The following AOPEP variants were observed in gnomAD, a reference collection of about 807,000 sequenced individuals.
The protein encoded by AOPEP is aminopeptidase O (putative).
In AOPEP, 77 loss-of-function variants were observed where a neutral mutation model predicts 98.1. The observed-to-expected ratio is 0.78, with a 90% CI of 0.65 to 0.95. AOPEP has a LOEUF of 0.95. Among genes scored for constraint, AOPEP ranks in the 40% least tolerant of loss-of-function variants. The pLI is 0.00. For missense variants in AOPEP, 1,024 were observed against 1,024.7 expected (o/e 1.00, Z 0.01); for synonymous variants, 346 against 365.3 (o/e 0.95, Z 0.60).
At chr9:95,059,206 G>T (rs1007588708) in intron 13 of AOPEP, among the ~76,000 whole-genome samples, 7 of 152,206 alleles carry the variant, frequency 4.6e-5, no homozygotes, top group Admixed American at 1.3e-4. Flanking sequence ...GTAATTCTTT[G>T]GGTCCTTGTC....
chr9:94,820,382 AT>A (rs1398499399), intron 5 of AOPEP, among the ~76,000 whole-genome samples: 2 of 152,272 alleles, frequency 1.3e-5, no homozygotes, highest in East Asian at 3.9e-4. Flanking sequence ...GATACATATT[AT>A]TACTCTCTCT....
At chr9:95,081,585 A>G (rs969464202) in intron 15 of AOPEP, among the ~76,000 whole-genome samples, 5 of 152,212 alleles carry the variant, frequency 3.3e-5, no homozygotes, top group African/African-American at 4.8e-5. Flanking sequence ...CCTACAAAGA[A>G]AAGTACATGC....
At chr9:95,115,353 C>T in the AOPEP span, among the ~76,000 whole-genome samples, 1 of 152,192 alleles carries the variant, frequency 6.6e-6, no homozygotes, top group Non-Finnish European at 1.5e-5. Context: ...TCTTTTCTAC[C>T]TACACACTCC....
chr9:95,035,195 C>T (rs950838424), intron 13 of AOPEP, among the ~76,000 whole-genome samples: 10 of 151,912 alleles, frequency 6.6e-5, no homozygotes, highest in Admixed American at 4.6e-4. Flanking sequence ...GTTCAATTCC[C>T]ACCTGTGAGT....
At chr9:95,025,064 G>T (rs1300530711) in intron 13 of AOPEP, among the ~76,000 whole-genome samples, 2 of 152,004 alleles carry the variant, frequency 1.3e-5, no homozygotes, top group African/African-American at 4.8e-5. Context: ...ATTATATTTG[G>T]GATCTCAATC....
At chr9:95,140,386 C>T in the AOPEP span, among the ~76,000 whole-genome samples, 2 of 152,140 alleles carry the variant, frequency 1.3e-5, no homozygotes, top group Non-Finnish European at 2.9e-5. Flanking sequence ...GTTGTGTTTT[C>T]TCATCCTTTA....
chr9:94,800,716 A>G, intron 4 of AOPEP, 41 bp from the exon 5 acceptor site: 1 of 1,608,356 alleles, frequency 6.2e-7, no homozygotes, highest in Non-Finnish European at 8.5e-7. Context: ...CACAGCAAGA[A>G]TAATAAACAT....
At chr9:94,886,445 G>A (rs1411290647) in intron 5 of AOPEP, among the ~76,000 whole-genome samples, 1 of 152,148 alleles carries the variant, frequency 6.6e-6, no homozygotes, top group Non-Finnish European at 1.5e-5. Context: ...CAATGTTCTT[G>A]AAGAAGATTG....
intron 13 of AOPEP, among the ~76,000 whole-genome samples, chr9:95,008,689 C>T (rs927139971): frequency 1.3e-5 from 2 of 152,106 alleles, no homozygotes; most frequent in African/African-American, 2.4e-5. Flanking sequence ...AGTGCTCTGC[C>T]GGCCTTTCCC....
the AOPEP span, among the ~76,000 whole-genome samples, chr9:95,103,120 C>A: frequency 6.6e-6 from 1 of 152,046 alleles, no homozygotes; most frequent in Non-Finnish European, 1.5e-5. Flanking sequence ...AGTTAATATA[C>A]CACCCAGACC....
At chr9:94,785,463 C>T (rs1005835888) in intron 3 of AOPEP, among the ~76,000 whole-genome samples, 3 of 152,056 alleles carry the variant, frequency 2.0e-5, no homozygotes, top group African/African-American at 7.2e-5. Context: ...AAATACAGTC[C>T]AATAGGAGAA....
chr9:94,790,076 C>T (rs1173655294), intron 3 of AOPEP, among the ~76,000 whole-genome samples: 1 of 151,170 alleles, frequency 6.6e-6, no homozygotes, highest in Non-Finnish European at 1.5e-5. Flanking sequence ...GGGGTTTCAC[C>T]GTGTTAGCCA....
At chr9:95,149,633 C>G in the AOPEP span, among the ~76,000 whole-genome samples, 2 of 152,044 alleles carry the variant, frequency 1.3e-5, no homozygotes, top group Admixed American at 6.6e-5. Context: ...CACACACCAC[C>G]ATGCTTGACT....
the AOPEP span, chr9:95,101,606 G>T: frequency 7.0e-7 from 1 of 1,419,612 alleles, no homozygotes; most frequent in Admixed American, 1.8e-5. Flanking sequence ...GCCCAGCGAG[G>T]GCACTTACTC....
the AOPEP span, among the ~76,000 whole-genome samples, chr9:95,124,503 T>C: frequency 2.0e-5 from 3 of 152,110 alleles, no homozygotes; most frequent in African/African-American, 7.2e-5. Context: ...GGCCTGGCCT[T>C]TGGTTTACTG....
At chr9:94,761,697 A>G (rs1838338045) in intron 2 of AOPEP, among the ~76,000 whole-genome samples, 1 of 152,190 alleles carries the variant, frequency 6.6e-6, no homozygotes, top group Admixed American at 6.5e-5. Context: ...CCCTGCTCAG[A>G]ATGAGTTCAC....
intron 14 of AOPEP, among the ~76,000 whole-genome samples, chr9:95,072,958 A>G (rs112527975): frequency 3.9e-4 from 60 of 152,270 alleles, no homozygotes; most frequent in African/African-American, 1.4e-3. Flanking sequence ...GTGTGTGATA[A>G]GTTTCCTGTA....
intron 5 of AOPEP, among the ~76,000 whole-genome samples, chr9:94,816,029 T>C (rs1316221692): frequency 6.6e-6 from 1 of 152,196 alleles, no homozygotes; most frequent in Non-Finnish European, 1.5e-5. Context: ...TGAGTGTTAA[T>C]ATATTTTCTT....
chr9:94,863,100 T>C (rs907362534), intron 5 of AOPEP, among the ~76,000 whole-genome samples: 1 of 152,146 alleles, frequency 6.6e-6, no homozygotes, highest in African/African-American at 2.4e-5. Context: ...AGTTTCCTTC[T>C]TTCCCCATAT....
Sources: gnomAD v4.1 joint callset for allele counts (sites outside exome capture counted in the v4.1 genomes callset) on GRCh38, gnomAD v4.1.1 for gene constraint, MANE v1.5 for transcripts, NCBI Gene and HGNC (gene_info 2026-07-23, HGNC 2026-07-21) for gene names.